SPTSSB: variants seen among roughly 807,000 people sequenced by gnomAD.
The protein encoded by SPTSSB is serine palmitoyltransferase small subunit B.
In SPTSSB, 6 loss-of-function variants were observed where a neutral mutation model predicts 7.7. The observed-to-expected ratio is 0.78, with a 90% CI of 0.43 to 1.54. The LOEUF (loss-of-function observed/expected upper bound fraction) is 1.54, where lower values mean the gene tolerates loss of function less well. Among genes scored for constraint, SPTSSB ranks in the 40% most tolerant of loss-of-function variants. The pLI is 0.01. For synonymous variants in SPTSSB, 28 were observed against 29.7 expected, an observed-to-expected ratio of 0.94 and a Z score of 0.19; for missense variants, 91 against 93.0, an observed-to-expected ratio of 0.98 and a Z score of 0.09.
chr3:161,354,732 A>C (rs1429853316), intron 2 of SPTSSB, among the ~76,000 whole-genome samples: 1 of 152,214 alleles, frequency 6.6e-6, no homozygotes, highest in African/African-American at 2.4e-5. Flanking sequence ...CCAACTATCA[A>C]TTGGAGTCAT....
Position 161,355,091 on chromosome 3 carries a change from G to T in SPTSSB, c.-33+4711C>A, listed in dbSNP as rs1223744324. ...TCCTTTCACTTCCTAACAGAAACAG[G>T]GTAAGTATCCCTGCTTATTTCTGGC... is the stretch of plus-strand genomic sequence containing the variant. On this transcript the variant is annotated intron_variant, in intron 2 of 2. Transcript: ENST00000620149. 3.9e-5 allele frequency among the ~76,000 whole-genome samples: 6 copies of T among 152,128 alleles called. No individual in the cohort carries two copies. In the East Asian group the frequency reaches 9.6e-4, roughly 24 times the overall value.
chr3:161,363,070 T>C (rs1421725541), intron 1 of SPTSSB, among the ~76,000 whole-genome samples: 1 of 151,938 alleles, frequency 6.6e-6, no homozygotes, highest in African/African-American at 2.4e-5. Context: ...AGTTTACAAT[T>C]GCTAAGTACT....
rs1560101603 is a variant in SPTSSB, at chr3:161,346,356, C to T, written c.-32-1G>A. 6.8e-7 allele frequency: 1 copy of T among 1,470,308 alleles called. No homozygotes were observed. Among genetic ancestry groups the T allele is most frequent in the Non-Finnish European group, 9.5e-7 (1 of 1,049,398 alleles). The allele number at this position is 1,470,308 out of a possible 1,614,324, so 91.1% of individuals were successfully genotyped here. On this transcript the variant is annotated splice_acceptor_variant, in intron 2 of 2. Coordinates refer to ENST00000620149, the MANE Select transcript of SPTSSB (RefSeq NM_001040100.2). LOFTEE classifies it low-confidence loss of function (5UTR_SPLICE). ...TCCTTCAAGCTGCAGTAAGTTTGTCCTGTTAAAGAATGTAACAGATTAGAG... is the reference window on the plus strand; with the variant it reads ...TCCTTCAAGCTGCAGTAAGTTTGTCTTGTTAAAGAATGTAACAGATTAGAG...
intron 1 of SPTSSB, among the ~76,000 whole-genome samples, chr3:161,365,259 C>T (rs1357219074): frequency 1.3e-5 from 2 of 152,220 alleles, no homozygotes; most frequent in African/African-American, 4.8e-5. Context: ...GCTAGCCACT[C>T]AGTCAAGTAT....
intron 1 of SPTSSB, among the ~76,000 whole-genome samples, chr3:161,369,781 G>A (rs978451612): frequency 3.3e-5 from 5 of 152,048 alleles, no homozygotes; most frequent in East Asian, 1.9e-4. Flanking sequence ...GGGGCCCTGC[G>A]TTAGTGGCTG....
intron 1 of SPTSSB, among the ~76,000 whole-genome samples, chr3:161,370,145 G>T (rs1715445972): frequency 6.6e-6 from 1 of 152,246 alleles, no homozygotes; most frequent in African/African-American, 2.4e-5. Context: ...AGTAGAGATA[G>T]AATTGCTGTA....
chr3:161,371,047 T>C (rs1196472044), intron 1 of SPTSSB, among the ~76,000 whole-genome samples: 2 of 152,222 alleles, frequency 1.3e-5, no homozygotes, highest in Non-Finnish European at 2.9e-5. Context: ...AAGTAGCTTA[T>C]GGGCAGAGAG....
rs144155162 is a variant in SPTSSB at position 161,367,719 on chromosome 3, G to T, written c.-126+3716C>A. 4.3e-3 allele frequency among the ~76,000 whole-genome samples: 657 copies of T among 152,282 alleles called. 3 individuals are homozygous for T. The highest frequency in any genetic ancestry group is 0.015 in the African/African-American group (630 of 41,552). ...TTAGTATGCTGTGAAGACTTCAGTG[G>T]CTGCTCCAGCTTTTCCTCTTCCCAA... On this transcript the variant is annotated intron_variant, in intron 1 of 2. Coordinates refer to ENST00000620149, the MANE Select transcript of SPTSSB (RefSeq NM_001040100.2).
intron 2 of SPTSSB, among the ~76,000 whole-genome samples, chr3:161,346,602 A>G (rs1933347841): frequency 6.6e-6 from 1 of 152,192 alleles, no homozygotes; most frequent in African/African-American, 2.4e-5. Context: ...AGTAACATCT[A>G]TCTAAACATG....
intron 2 of SPTSSB, among the ~76,000 whole-genome samples, chr3:161,352,601 C>T (rs577047727): frequency 1.3e-5 from 2 of 152,296 alleles, no homozygotes; most frequent in Admixed American, 1.3e-4. Context: ...GGCCTGTTGG[C>T]TGACTGACCG....
rs1714132729 is a variant in SPTSSB at position 161,344,825 on chromosome 3, C to T, written c.*1268G>A. The T allele has an allele frequency of 6.6e-6, 1 of 152,306 alleles. No homozygotes were observed. The highest frequency in any genetic ancestry group is 1.5e-5 in the Non-Finnish European group (1 of 67,980). The allele number at this position is 152,306 out of a possible 1,614,324, so 9.4% of individuals were successfully genotyped here. A position where few individuals can be genotyped will look rare whatever the true frequency, so the allele number is the denominator to read the frequency against. ...TACTTACAAAATTAATTTTATTTTG[C>T]AAAACTCAACAAATACATGTTCAGA... On this transcript the variant is annotated 3_prime_UTR_variant, in exon 3 of 3. Transcript: ENST00000620149.
chr3:161,354,262 G>A (rs1170787134), intron 2 of SPTSSB, among the ~76,000 whole-genome samples: 1 of 152,220 alleles, frequency 6.6e-6, no homozygotes, highest in Non-Finnish European at 1.5e-5. Context: ...TAACAGTTCA[G>A]TCAGGTTGTT....
chr3:161,350,971 C>G (rs1714509707), intron 2 of SPTSSB, among the ~76,000 whole-genome samples: 1 of 152,078 alleles, frequency 6.6e-6, no homozygotes, highest in Admixed American at 6.6e-5. Context: ...AGAAAGGTAT[C>G]AGACAAATTC....
intron 1 of SPTSSB, among the ~76,000 whole-genome samples, chr3:161,364,319 A>C (rs1274510081): frequency 6.6e-6 from 1 of 152,144 alleles, no homozygotes; most frequent in Admixed American, 6.6e-5. Flanking sequence ...CCCAATTCAG[A>C]GATCCCACAG....
chr3:161,368,050 A>C (rs1435081739), intron 1 of SPTSSB, among the ~76,000 whole-genome samples: 1 of 152,246 alleles, frequency 6.6e-6, no homozygotes, highest in Non-Finnish European at 1.5e-5. Context: ...AGTGGAGAAA[A>C]GTTTGGGCAG....
intron 1 of SPTSSB, among the ~76,000 whole-genome samples, chr3:161,370,863 T>C (rs960959161): frequency 3.3e-5 from 5 of 152,260 alleles, no homozygotes; most frequent in African/African-American, 1.2e-4. Flanking sequence ...TAACTCTAGC[T>C]GGCTGTCTTT....
At chr3:161,346,473 T>G in intron 2 of SPTSSB, 118 bp from the exon 3 acceptor site, 1 of 531,422 alleles carries the variant, frequency 1.9e-6, no homozygotes, top group South Asian at 2.7e-5. Flanking sequence ...TTGAATATAT[T>G]ATTAATATAT....
chr3:161,346,881 G>A (rs1038707045), intron 2 of SPTSSB, among the ~76,000 whole-genome samples: 3 of 152,230 alleles, frequency 2.0e-5, no homozygotes, highest in African/African-American at 7.2e-5. Flanking sequence ...CACGGAGGGA[G>A]AAGGGAGCAG....
intron 2 of SPTSSB, among the ~76,000 whole-genome samples, chr3:161,353,449 G>T (rs73878306): frequency 6.6e-6 from 1 of 152,022 alleles, no homozygotes; most frequent in Non-Finnish European, 1.5e-5. Flanking sequence ...AAATACACAC[G>T]TTTGTAGCCA....
Sources: gnomAD v4.1 joint callset for allele counts (sites outside exome capture counted in the v4.1 genomes callset) on GRCh38, gnomAD v4.1.1 for gene constraint, MANE v1.5 for transcripts, NCBI Gene and HGNC (gene_info 2026-07-23, HGNC 2026-07-21) for gene names.